Variants in BMPER observed in about 807,000 individuals in gnomAD.
The protein encoded by BMPER is BMP-binding endothelial regulator protein.
Under a neutral mutation model 87.3 loss-of-function variants are expected in BMPER, and 45 were observed. The ratio of observed to expected loss-of-function variants is 0.52; its 90% CI spans 0.41 to 0.66. The LOEUF (loss-of-function observed/expected upper bound fraction) is 0.66. BMPER is among the 30% of genes least tolerant of loss of function. The pLI, the probability that BMPER is intolerant of heterozygous loss-of-function variation, is 0.00. For synonymous variants in BMPER, 326 were observed against 316.2 expected, an observed-to-expected ratio of 1.03 and a Z score of -0.33; for missense variants, 784 against 867.5, an observed-to-expected ratio of 0.90 and a Z score of 1.21.
intron 12 of BMPER, among the ~76,000 whole-genome samples, chr7:34,080,121 T>C (rs1039023412): frequency 6.6e-6 from 1 of 152,240 alleles, no homozygotes; most frequent in East Asian, 1.9e-4. Flanking sequence ...TTTTAAAGCA[T>C]GATACTTCTA....
intron 6 of BMPER, 87 bp from the exon 7 acceptor site, chr7:34,046,219 G>A: frequency 1.6e-6 from 2 of 1,261,774 alleles, no homozygotes; most frequent in South Asian, 1.2e-5. Flanking sequence ...CTATGGAAGG[G>A]CCTTAGGTTT....
chr7:33,929,267 C>T (rs1436835770), intron 2 of BMPER, among the ~76,000 whole-genome samples: 1 of 152,136 alleles, frequency 6.6e-6, no homozygotes, highest in African/African-American at 2.4e-5. Flanking sequence ...GACATTTTAA[C>T]ATTAAGTCTA....
intron 6 of BMPER, among the ~76,000 whole-genome samples, chr7:34,045,906 G>GGATAGAAAGA (rs1353575142): frequency 6.6e-6 from 1 of 152,156 alleles, no homozygotes; most frequent in East Asian, 1.9e-4. Flanking sequence ...AGAAAGAGAA[G>GGATAGAAAGA]GCAGTGACCT....
At chr7:33,979,682 C>T (rs1353543788) in intron 6 of BMPER, among the ~76,000 whole-genome samples, 1 of 152,164 alleles carries the variant, frequency 6.6e-6, no homozygotes, top group Non-Finnish European at 1.5e-5. Flanking sequence ...GCCTTGGGGG[C>T]ACACCCTAGG....
chr7:34,101,163 G>A (rs889288160), intron 13 of BMPER, among the ~76,000 whole-genome samples: 9 of 152,176 alleles, frequency 5.9e-5, no homozygotes, highest in Non-Finnish European at 7.3e-5. Context: ...TTCCACTTAA[G>A]GCTTGGGATC....
rs1791077079 is a variant in BMPER, at chr7:34,148,118, C to G, written c.1876+4758C>G. The stretch of plus-strand genomic sequence containing the variant: ...CCTCAAGGTCCATGTCTCTAACCCA[C>G]CAAACCAAGGATCCGCCCTTCCCTG... On this transcript the variant is annotated intron_variant, in intron 14 of 14. Transcript: ENST00000649409. 2.0e-5 allele frequency among the ~76,000 whole-genome samples: 3 copies of G among 152,266 alleles called. No individual in the cohort carries two copies. The South Asian group carries it at 6.2e-4, about 32-fold the overall frequency.
intron 14 of BMPER, among the ~76,000 whole-genome samples, chr7:34,149,778 G>A (rs1165309111): frequency 6.6e-6 from 1 of 152,130 alleles, no homozygotes; most frequent in Non-Finnish European, 1.5e-5. Context: ...GGTGGATATG[G>A]ACATTAGTGA....
rs200035524 is a variant in BMPER, at chr7:34,046,361, A to G, written c.632A>G (p.His211Arg). 4 of 1,613,992 alleles carry G rather than the reference A, an allele frequency of 2.5e-6. No homozygotes were observed. The highest frequency in any genetic ancestry group is 2.7e-5 in the African/African-American group (2 of 74,990). ...EVCPILSCPQHLSHIPPGQCC... is the reference protein window; with the variant it reads ...EVCPILSCPQRLSHIPPGQCC... ...TGTCCCATTCTCTCCTGTCCCCAGC[A>G]CCTTAGTCACATACCCCCAGGACAG... The change falls in exon 7 of 15, where the codon CAC becomes CGC. Residue 211 changes from histidine to arginine, a missense_variant. Transcript: ENST00000649409.
intron 6 of BMPER, among the ~76,000 whole-genome samples, chr7:34,028,202 A>G (rs896969079): frequency 1.8e-4 from 27 of 152,244 alleles, no homozygotes; most frequent in African/African-American, 6.5e-4. Flanking sequence ...AATGAAACAA[A>G]TAGGAAAATC....
intron 6 of BMPER, among the ~76,000 whole-genome samples, chr7:34,006,252 A>T (rs1449812860): frequency 6.6e-6 from 1 of 152,122 alleles, no homozygotes; most frequent in Admixed American, 6.6e-5. Context: ...AGAAATCTAT[A>T]CACAATGCTA....
chr7:33,959,663 T>C (rs187210625), intron 3 of BMPER, among the ~76,000 whole-genome samples: 132 of 152,348 alleles, frequency 8.7e-4, no homozygotes, highest in African/African-American at 3.0e-3. Context: ...TCTCCCTTAA[T>C]GCATTGCATA....
chr7:34,049,530 G>A (rs1028691313), intron 7 of BMPER, among the ~76,000 whole-genome samples: 1 of 152,174 alleles, frequency 6.6e-6, no homozygotes, highest in Admixed American at 6.5e-5. Context: ...AATGCAGAAA[G>A]GGGTCATTAA....
intron 13 of BMPER, among the ~76,000 whole-genome samples, chr7:34,087,492 A>C (rs1262821235): frequency 1.3e-5 from 2 of 152,182 alleles, no homozygotes; most frequent in African/African-American, 4.8e-5. Flanking sequence ...ACAATGACCT[A>C]AGCTCTCTAA....
intron 2 of BMPER, among the ~76,000 whole-genome samples, chr7:33,921,623 G>A (rs1010888257): frequency 6.6e-6 from 1 of 152,128 alleles, no homozygotes; most frequent in Admixed American, 6.5e-5. Flanking sequence ...CCTGCCTGGC[G>A]CCTTTGGGTG....
intron 6 of BMPER, among the ~76,000 whole-genome samples, chr7:33,980,898 T>C (rs1026283178): frequency 2.0e-5 from 3 of 152,212 alleles, no homozygotes; most frequent in East Asian, 3.8e-4. Context: ...ACTTACACTT[T>C]AGATATTGCA....
chr7:33,975,834 G>A (rs922055226), intron 6 of BMPER, among the ~76,000 whole-genome samples: 2 of 152,090 alleles, frequency 1.3e-5, no homozygotes, highest in Admixed American at 6.5e-5. Context: ...ATGTCTTTTC[G>A]AAAATCTTTC....
intron 2 of BMPER, among the ~76,000 whole-genome samples, chr7:33,921,190 C>T (rs760203138): frequency 6.6e-6 from 1 of 152,162 alleles, no homozygotes; most frequent in African/African-American, 2.4e-5. Flanking sequence ...GTAGGAATAG[C>T]GTCTAATTCT....
intron 6 of BMPER, among the ~76,000 whole-genome samples, chr7:33,997,043 A>G (rs1786434149): frequency 6.6e-6 from 1 of 152,166 alleles, no homozygotes; most frequent in South Asian, 2.1e-4. Flanking sequence ...TTCATGCTCA[A>G]CAGGACCCTC....
intron 12 of BMPER, among the ~76,000 whole-genome samples, chr7:34,082,516 A>G (rs1423762545): frequency 6.6e-6 from 1 of 152,080 alleles, no homozygotes; most frequent in Admixed American, 6.6e-5. Flanking sequence ...AAATCTTCTT[A>G]ATGTAATAAT....
Sources: gnomAD v4.1 joint callset for allele counts (sites outside exome capture counted in the v4.1 genomes callset) on GRCh38, gnomAD v4.1.1 for gene constraint, MANE v1.5 for transcripts, NCBI Gene and HGNC (gene_info 2026-07-23, HGNC 2026-07-21) for gene names.